The following ARHGAP28 variants were observed in gnomAD, a reference collection of about 807,000 sequenced individuals.
ARHGAP28 encodes the protein rho GTPase-activating protein 28.
In ARHGAP28, 56 loss-of-function variants were observed where a neutral mutation model predicts 90.7. That is an observed-to-expected ratio of 0.62 (90% confidence interval 0.50 to 0.77). The LOEUF (loss-of-function observed/expected upper bound fraction) is 0.77. Among genes scored for constraint, ARHGAP28 ranks in the 30% least tolerant of loss-of-function variants. The pLI is 0.00. For missense variants in ARHGAP28, 869 were observed against 900.9 expected (o/e 0.96, Z 0.45); for synonymous variants, 308 against 323.3 (o/e 0.95, Z 0.51).
intron 1 of ARHGAP28, among the ~76,000 whole-genome samples, chr18:6,823,674 A>G (rs1023152293): frequency 5.3e-5 from 8 of 150,986 alleles, no homozygotes; most frequent in Admixed American, 4.6e-4. Context: ...AGCCTGTAAC[A>G]TATTTTCTAG....
intron 2 of ARHGAP28, among the ~76,000 whole-genome samples, chr18:6,827,499 G>A (rs2056677621): frequency 6.9e-6 from 1 of 144,208 alleles, no homozygotes. Flanking sequence ...CCGGGCAGAG[G>A]CGCCCCTCAC....
At chr18:6,769,719 C>A (rs938736333) in intron 1 of ARHGAP28, among the ~76,000 whole-genome samples, 1 of 152,202 alleles carries the variant, frequency 6.6e-6, no homozygotes. Flanking sequence ...ATCTTTCTGT[C>A]TTATACTGCA....
At chr18:6,862,978 TTA>T (rs1393795946) in intron 5 of ARHGAP28, among the ~76,000 whole-genome samples, 1 of 152,144 alleles carries the variant, frequency 6.6e-6, no homozygotes, top group Non-Finnish European at 1.5e-5. Context: ...TTTTTGTTTC[TTA>T]TAAGTGTCTC....
At chr18:6,791,952 C>T (rs2056409768) in intron 1 of ARHGAP28, among the ~76,000 whole-genome samples, 1 of 152,048 alleles carries the variant, frequency 6.6e-6, no homozygotes, top group Non-Finnish European at 1.5e-5. Flanking sequence ...GCACCCACCA[C>T]CATGCCCGGC....
chr18:6,888,534 G>A lies in ARHGAP28; in HGVS notation c.1536+1295G>A, dbSNP rs557433844. Among the ~76,000 whole-genome samples, 161 of 152,230 alleles carry A rather than the reference G, an allele frequency of 1.1e-3. 2 individuals carry two copies. The highest frequency in any genetic ancestry group is 1.0e-3 in the South Asian group (5 of 4,826). ...GATGTATCCTTGAGGCAAGGACAGAGATCAGCTATGACATAAAAATGTCCT... is the reference window on the plus strand; with the variant it reads ...GATGTATCCTTGAGGCAAGGACAGAAATCAGCTATGACATAAAAATGTCCT... On this transcript the variant is annotated intron_variant, in intron 12 of 17. Coordinates refer to ENST00000383472, the MANE Select transcript of ARHGAP28 (RefSeq NM_001366230.1).
chr18:6,741,657 T>A (rs2055978747), intron 1 of ARHGAP28, among the ~76,000 whole-genome samples: 1 of 152,226 alleles, frequency 6.6e-6, no homozygotes, highest in Admixed American at 6.5e-5. Context: ...CCAATTCTCT[T>A]TAGAGTTCAA....
At chr18:6,883,220 T>A (rs996772353) in intron 11 of ARHGAP28, among the ~76,000 whole-genome samples, 104 of 148,438 alleles carry the variant, frequency 7.0e-4, no homozygotes, top group African/African-American at 2.2e-3. Context: ...AACTCTCAAT[T>A]TGAGAGTGTC....
chr18:6,870,677 T>C lies in ARHGAP28; in HGVS notation c.899T>C (p.Leu300Pro). 6.2e-7 allele frequency: 1 copy of C among 1,612,044 alleles called. No individual in the cohort carries two copies. The highest frequency in any genetic ancestry group is 8.5e-7 in the Non-Finnish European group (1 of 1,178,784). ...TATTCAGAAATGGTTACGGAGGCTC[T>C]AAAAAGAAATAAACTTAAGAAATCA... ...VSYSEMVTEA[L>P]KRNKLKKSEI... The change falls in exon 7 of 18, where the codon CTA becomes CCA. Residue 300 changes from leucine (L) to proline (P), a missense_variant. Transcript: ENST00000383472.
chr18:6,874,512 T>G (rs1171683047), intron 9 of ARHGAP28: 5 of 152,198 alleles, frequency 3.3e-5, no homozygotes, highest in Non-Finnish European at 5.9e-5. Flanking sequence ...AACAGTGACA[T>G]CCAGTGGCAC....
chr18:6,783,954 T>A (rs1379977691), intron 1 of ARHGAP28, among the ~76,000 whole-genome samples: 1 of 152,240 alleles, frequency 6.6e-6, no homozygotes, highest in Non-Finnish European at 1.5e-5. Context: ...CGTCTAGGGC[T>A]GGTGATGCCT....
At chr18:6,776,396 G>T (rs2056283631) in intron 1 of ARHGAP28, among the ~76,000 whole-genome samples, 1 of 152,206 alleles carries the variant, frequency 6.6e-6, no homozygotes, top group Admixed American at 6.5e-5. Flanking sequence ...AAACAGTTCA[G>T]TCAAGATGTA....
chr18:6,823,036 C>G (rs1254642771), intron 1 of ARHGAP28, among the ~76,000 whole-genome samples: 1 of 152,150 alleles, frequency 6.6e-6, no homozygotes, highest in Admixed American at 6.5e-5. Flanking sequence ...GGTCTAGTTA[C>G]CTCTTTCCAC....
At position 6,826,683 on chromosome 18, in the gene ARHGAP28, C is replaced by CTTT. The variant is rs36069648; in HGVS notation, c.325+1740_325+1742dup. Reference sequence around the variant, plus strand: ...TTCCACTGGGGCAAAGGATTTTGAGCTTTTTTTTTTTTTTTTTTTTTTTAT... The same window carrying CTTT: ...TTCCACTGGGGCAAAGGATTTTGAGCTTTTTTTTTTTTTTTTTTTTTTTTTTAT... On this transcript the variant is annotated intron_variant, in intron 2 of 17. Transcript: ENST00000383472. Among the ~76,000 whole-genome samples the CTTT allele has an allele frequency of 6.9e-3, 610 of 88,254 alleles. 14 individuals are homozygous for CTTT. Among genetic ancestry groups the CTTT allele is most frequent in the Non-Finnish European group, 0.011 (520 of 49,280 alleles). 57.9% of individuals were successfully genotyped at this position (88,254 alleles called of 152,430 possible).
At chr18:6,764,404 G>A (rs1007553598) in intron 1 of ARHGAP28, among the ~76,000 whole-genome samples, 2 of 152,196 alleles carry the variant, frequency 1.3e-5, no homozygotes, top group Non-Finnish European at 2.9e-5. Context: ...TTCAGGCATC[G>A]CCTAGGGGTC....
chr18:6,892,134 T>A (rs2057270995), intron 14 of ARHGAP28, among the ~76,000 whole-genome samples: 1 of 152,204 alleles, frequency 6.6e-6, no homozygotes, highest in African/African-American at 2.4e-5. Context: ...AAAAATCACA[T>A]AATATAAAAT....
intron 14 of ARHGAP28, 99 bp downstream of exon 14, chr18:6,890,642 A>T: frequency 1.5e-6 from 1 of 670,726 alleles, no homozygotes; most frequent in Non-Finnish European, 2.5e-6. Flanking sequence ...CAAGCATTTT[A>T]TATTCTCAAG....
At chr18:6,817,831 T>C (rs2056601916) in intron 1 of ARHGAP28, among the ~76,000 whole-genome samples, 1 of 152,238 alleles carries the variant, frequency 6.6e-6, no homozygotes, top group African/African-American at 2.4e-5. Context: ...TATGTGACTT[T>C]GGCCAGAATT....
At chr18:6,810,111 T>TA (rs1299267990) in intron 1 of ARHGAP28, among the ~76,000 whole-genome samples, 1 of 152,220 alleles carries the variant, frequency 6.6e-6, no homozygotes, top group Non-Finnish European at 1.5e-5. Context: ...AAGTTCGATA[T>TA]AAGTTTCTGC....
At chr18:6,804,383 A>G (rs1328343600) in intron 1 of ARHGAP28, among the ~76,000 whole-genome samples, 3 of 151,950 alleles carry the variant, frequency 2.0e-5, no homozygotes, top group Admixed American at 1.3e-4. Flanking sequence ...TTTTCTAAAA[A>G]CAAGCATTTG....
Sources: allele counts gnomAD v4.1 joint callset (sites outside exome capture counted in the v4.1 genomes callset), GRCh38; gene constraint gnomAD v4.1.1; transcripts MANE v1.5; gene names NCBI Gene and HGNC (gene_info 2026-07-23, HGNC 2026-07-21).